PRP4K: variants seen among roughly 807,000 people sequenced by gnomAD.
PRP4K encodes the protein serine/threonine-protein kinase PRP4 homolog.
the PRP4K span, among the ~76,000 whole-genome samples, chr6:4,023,060 G>C: frequency 6.6e-6 from 1 of 152,156 alleles, no homozygotes; most frequent in African/African-American, 2.4e-5. Flanking sequence ...TCCCCACAGA[G>C]CACTTGGTGT....
At chr6:4,048,996 T>C in the PRP4K span, 12 of 1,592,034 alleles carry the variant, frequency 7.5e-6, no homozygotes, top group Non-Finnish European at 1.0e-5. Flanking sequence ...AAACTGTTCA[T>C]GTTGCCTCTT....
At chr6:4,054,472 G>T in the PRP4K span, among the ~76,000 whole-genome samples, 2 of 151,980 alleles carry the variant, frequency 1.3e-5, no homozygotes, top group African/African-American at 4.8e-5. Context: ...TAAAAATGAA[G>T]TATAAATTTG....
chr6:4,051,583 C>T, the PRP4K span, among the ~76,000 whole-genome samples: 3 of 152,190 alleles, frequency 2.0e-5, no homozygotes, highest in Admixed American at 6.5e-5. Context: ...TCCCAAAATT[C>T]TGGGATTACA....
the PRP4K span, chr6:4,031,440 T>G: frequency 2.6e-6 from 2 of 766,464 alleles, no homozygotes; most frequent in East Asian, 5.9e-5. Context: ...TGAAAAAATT[T>G]TAGTGACTGA....
At chr6:4,029,457 C>T in the PRP4K span, among the ~76,000 whole-genome samples, 1 of 151,714 alleles carries the variant, frequency 6.6e-6, no homozygotes, top group Non-Finnish European at 1.5e-5. Context: ...AATCCTTCCA[C>T]CTCAGCCTCC....
At chr6:4,021,301 G>A in the PRP4K span, 5 of 1,332,370 alleles carry the variant, frequency 3.8e-6, no homozygotes, top group Non-Finnish European at 2.1e-6. Context: ...CGCGGACTCA[G>A]AACCCAGCTC....
chr6:4,059,808 G>C, the PRP4K span, among the ~76,000 whole-genome samples: 1 of 152,124 alleles, frequency 6.6e-6, no homozygotes. Context: ...ACCACGCCTG[G>C]ATAATTTTTG....
chr6:4,022,886 A>G, the PRP4K span, among the ~76,000 whole-genome samples: 1 of 152,018 alleles, frequency 6.6e-6, no homozygotes, highest in Non-Finnish European at 1.5e-5. Context: ...TATTATGTCC[A>G]TTTATTTGAT....
the PRP4K span, among the ~76,000 whole-genome samples, chr6:4,034,181 G>A: frequency 6.6e-6 from 1 of 151,734 alleles, no homozygotes; most frequent in East Asian, 1.9e-4. Context: ...CAAAACTGGA[G>A]TCATATTATT....
the PRP4K span, chr6:4,050,503 C>T: frequency 0.016 from 3,434 of 214,434 alleles, 121 homozygotes; most frequent in African/African-American, 0.072. Context: ...TATCTGAAGA[C>T]GAGTTGAGAA....
chr6:4,023,154 C>T, the PRP4K span, among the ~76,000 whole-genome samples: 10 of 152,188 alleles, frequency 6.6e-5, no homozygotes, highest in African/African-American at 2.4e-4. Flanking sequence ...GGTATGAAAG[C>T]AAACTATGCC....
At chr6:4,032,145 G>A in the PRP4K span, 1 of 1,613,364 alleles carries the variant, frequency 6.2e-7, no homozygotes, top group Non-Finnish European at 8.5e-7. Flanking sequence ...AATCGTTAAA[G>A]AGAAAACAAC....
At chr6:4,033,859 T>A in the PRP4K span, among the ~76,000 whole-genome samples, 1 of 152,120 alleles carries the variant, frequency 6.6e-6, no homozygotes, top group African/African-American at 2.4e-5. Flanking sequence ...CTTCCTGGAT[T>A]GAGGCAGTGA....
the PRP4K span, among the ~76,000 whole-genome samples, chr6:4,051,382 C>T: frequency 6.6e-6 from 1 of 151,934 alleles, no homozygotes; most frequent in Non-Finnish European, 1.5e-5. Flanking sequence ...GGTGAGATCT[C>T]AGCTCAACTG....
chr6:4,041,503 G>T, the PRP4K span, among the ~76,000 whole-genome samples: 8 of 152,104 alleles, frequency 5.3e-5, no homozygotes, highest in African/African-American at 1.9e-4. Context: ...AAGTGAGCTT[G>T]ATCACACCAC....
the PRP4K span, among the ~76,000 whole-genome samples, chr6:4,045,161 C>G: frequency 3.5e-4 from 54 of 152,250 alleles, no homozygotes; most frequent in African/African-American, 1.2e-3. Context: ...GCCCAGCTGA[C>G]AGTACACTGT....
chr6:4,045,577 A>G, the PRP4K span, among the ~76,000 whole-genome samples: 2 of 152,254 alleles, frequency 1.3e-5, no homozygotes, highest in African/African-American at 4.8e-5. Context: ...CCAATTTAAA[A>G]TTGAGATTAT....
At chr6:4,049,052 T>C in the PRP4K span, 19 of 1,613,030 alleles carry the variant, frequency 1.2e-5, no homozygotes, top group Non-Finnish European at 1.6e-5. Flanking sequence ...TGGAAAAGAT[T>C]TCAAAGAGAA....
At chr6:4,054,183 T>C in the PRP4K span, among the ~76,000 whole-genome samples, 4 of 152,198 alleles carry the variant, frequency 2.6e-5, no homozygotes, top group Non-Finnish European at 4.4e-5. Context: ...ATTATAGGTG[T>C]GAGCTACCAT....
Sources: gnomAD v4.1 joint callset for allele counts (sites outside exome capture counted in the v4.1 genomes callset) on GRCh38, gnomAD v4.1.1 for gene constraint, MANE v1.5 for transcripts, NCBI Gene and HGNC (gene_info 2026-07-23, HGNC 2026-07-21) for gene names.